Variants in SLC24A4 observed in about 807,000 individuals in gnomAD.
SLC24A4 encodes the protein sodium/potassium/calcium exchanger 4.
In SLC24A4, 53 loss-of-function variants were observed where a neutral mutation model predicts 79.0. The ratio of observed to expected loss-of-function variants is 0.67; its 90% confidence interval spans 0.54 to 0.84. The LOEUF (loss-of-function observed/expected upper bound fraction) is 0.84. SLC24A4 is among the 40% of genes least tolerant of loss of function. The pLI is 0.00. For synonymous variants in SLC24A4, 323 were observed against 323.8 expected (o/e 1.00, Z 0.03); for missense variants, 731 against 822.0 (o/e 0.89, Z 1.35).
intron 2 of SLC24A4, among the ~76,000 whole-genome samples, chr14:92,373,171 T>TACAC (rs66513416): frequency 0.34 from 49,223 of 142,752 alleles, 10,137 homozygotes; most frequent in South Asian, 0.49. Context: ...AGCTAATTTA[T>TACAC]ACACACACAC....
At chr14:92,405,774 C>T (rs963085101) in intron 2 of SLC24A4, among the ~76,000 whole-genome samples, 8 of 152,092 alleles carry the variant, frequency 5.3e-5, no homozygotes, top group Admixed American at 2.0e-4. Context: ...GTAATCACCT[C>T]CTACCAGGCC....
At chr14:92,370,756 C>T (rs1287342733) in intron 2 of SLC24A4, among the ~76,000 whole-genome samples, 1 of 152,170 alleles carries the variant, frequency 6.6e-6, no homozygotes, top group African/African-American at 2.4e-5. Context: ...ATTAAGTCCT[C>T]AGCAAATTGG....
intron 2 of SLC24A4, among the ~76,000 whole-genome samples, chr14:92,352,045 A>G (rs1429785665): frequency 6.6e-6 from 1 of 152,174 alleles, no homozygotes; most frequent in Non-Finnish European, 1.5e-5. Context: ...AGTAAACAGA[A>G]ATGAGGAAGG....
At chr14:92,378,955 G>A (rs940928290) in intron 2 of SLC24A4, among the ~76,000 whole-genome samples, 1 of 152,148 alleles carries the variant, frequency 6.6e-6, no homozygotes, top group Non-Finnish European at 1.5e-5. Context: ...TCAGCTACTT[G>A]GGAGGCTGAG....
At chr14:92,488,931 A>G (rs997982277) in intron 14 of SLC24A4, among the ~76,000 whole-genome samples, 2 of 152,164 alleles carry the variant, frequency 1.3e-5, no homozygotes, top group Admixed American at 6.5e-5. Context: ...AAGGGCTTGC[A>G]GGAGTGGGGA....
intron 2 of SLC24A4, among the ~76,000 whole-genome samples, chr14:92,407,739 C>T (rs1203701262): frequency 6.6e-6 from 1 of 152,102 alleles, no homozygotes; most frequent in Non-Finnish European, 1.5e-5. Flanking sequence ...GAAATCTGCC[C>T]CTGTGATCCA....
chr14:92,392,522 T>C (rs12890915), intron 2 of SLC24A4, among the ~76,000 whole-genome samples: 150,518 of 152,106 alleles, frequency 0.99, 74,490 homozygotes, highest in Middle Eastern at 1. Flanking sequence ...TCGTGGCGGC[T>C]AGAATCAGCC....
chr14:92,449,992 C>T lies in SLC24A4; in HGVS notation c.880+776C>T, dbSNP rs145992423. Among the ~76,000 whole-genome samples the T allele has an allele frequency of 4.3e-3, 659 of 152,308 alleles. 2 individuals carry two copies. The highest frequency in any genetic ancestry group is 0.01 in the Middle Eastern group (3 of 294). Reference sequence around the variant, plus strand: ...CGGCTCCCTTTGTTGGGGCAGCTGCCGGGAAGGAGAGAGCGTTCACTCTAG... The same window carrying T: ...CGGCTCCCTTTGTTGGGGCAGCTGCTGGGAAGGAGAGAGCGTTCACTCTAG... On this transcript the variant is annotated intron_variant, in intron 10 of 16. Coordinates refer to ENST00000532405, the MANE Select transcript of SLC24A4 (RefSeq NM_153646.4).
At chr14:92,400,297 G>A (rs1844636612) in intron 2 of SLC24A4, among the ~76,000 whole-genome samples, 2 of 151,830 alleles carry the variant, frequency 1.3e-5, no homozygotes, top group African/African-American at 2.4e-5. Flanking sequence ...AAACTAGCTG[G>A]GCATGGTGGC....
intron 2 of SLC24A4, among the ~76,000 whole-genome samples, chr14:92,363,947 C>T (rs564260641): frequency 6.6e-6 from 1 of 152,252 alleles, no homozygotes; most frequent in South Asian, 2.1e-4. Flanking sequence ...CCGGCCACGC[C>T]GACCCACACA....
At position 92,492,245 on chromosome 14, in the gene SLC24A4, G is replaced by A. The variant is rs1234180491; in HGVS notation, c.1716+5G>A. ...CTGGGCTCTGTCGCTCTCACCGTGA[G>A]TCTTTACAATTCCAAAACAGATGCC... On this transcript the variant is annotated splice_donor_5th_base_variant and intron_variant, in intron 16 of 16. Coordinates refer to ENST00000532405, the MANE Select transcript of SLC24A4 (RefSeq NM_153646.4). 1.2e-6 allele frequency: 2 copies of A among 1,613,810 alleles called. No individual in the cohort carries two copies. Among genetic ancestry groups the A allele is most frequent in the Non-Finnish European group, 1.7e-6 (2 of 1,179,862 alleles).
intron 12 of SLC24A4, among the ~76,000 whole-genome samples, chr14:92,459,964 G>T (rs572339952): frequency 1.4e-4 from 21 of 152,174 alleles, no homozygotes; most frequent in Non-Finnish European, 2.6e-4. Context: ...CTTAGGGGTG[G>T]ATGCAGCTAG....
In SLC24A4 at chr14:92,482,786, G is replaced by A. The variant is rs1332505660; in HGVS notation, c.1362G>A (p.Met454Ile). 2 of 1,614,072 alleles carry A rather than the reference G, an allele frequency of 1.2e-6. No individual in the cohort carries two copies. The highest frequency in any genetic ancestry group is 1.7e-6 in the Non-Finnish European group (2 of 1,180,010). Residue 454 changes from methionine (M) to isoleucine (I), a missense_variant, in exon 13 of 17, where the codon ATG becomes ATA. Transcript: ENST00000532405. The part of the protein sequence containing the change: ...CSKPRWEKFF[M>I]VTFITATLWI... ...AGCCCCGCTGGGAGAAGTTCTTCAT[G>A]GTCACCTTCATCACCGCCACGCTGT...
chr14:92,403,329 C>G (rs1234699056), intron 2 of SLC24A4, among the ~76,000 whole-genome samples: 1 of 150,712 alleles, frequency 6.6e-6, no homozygotes, highest in Non-Finnish European at 1.5e-5. Context: ...GAGGACTGGC[C>G]AGGCGTGGTG....
chr14:92,362,924 C>G (rs1443519392), intron 2 of SLC24A4, among the ~76,000 whole-genome samples: 1 of 152,242 alleles, frequency 6.6e-6, no homozygotes, highest in Non-Finnish European at 1.5e-5. Flanking sequence ...AGACGCCATG[C>G]CGGCAGGTGG....
At chr14:92,379,807 C>T (rs1187876707) in intron 2 of SLC24A4, among the ~76,000 whole-genome samples, 3 of 152,278 alleles carry the variant, frequency 2.0e-5, no homozygotes, top group South Asian at 4.1e-4. Context: ...GCCTCCCCAT[C>T]GCACACTGAC....
At chr14:92,391,300 C>T (rs1024524006) in intron 2 of SLC24A4, among the ~76,000 whole-genome samples, 8 of 152,182 alleles carry the variant, frequency 5.3e-5, no homozygotes, top group Non-Finnish European at 7.3e-5. Context: ...TCTGACCTTC[C>T]GCTCAGCATC....
chr14:92,417,867 T>C (rs147678716), intron 2 of SLC24A4, among the ~76,000 whole-genome samples: 24 of 152,330 alleles, frequency 1.6e-4, no homozygotes, highest in Non-Finnish European at 3.5e-4. Context: ...CTAGACCATC[T>C]AGGATTGTGT....
chr14:92,372,487 C>CT (rs997659503), intron 2 of SLC24A4, among the ~76,000 whole-genome samples: 1 of 152,116 alleles, frequency 6.6e-6, no homozygotes, highest in African/African-American at 2.4e-5. Context: ...CCTGGGGTGT[C>CT]TGAGAGGCAG....
Sources: gnomAD v4.1 joint callset for allele counts (sites outside exome capture counted in the v4.1 genomes callset) on GRCh38, gnomAD v4.1.1 for gene constraint, MANE v1.5 for transcripts, NCBI Gene and HGNC (gene_info 2026-07-23, HGNC 2026-07-21) for gene names.